Variants in PECAM1 observed in about 807,000 individuals in gnomAD.
PECAM1 encodes the protein platelet endothelial cell adhesion molecule.
Under a neutral mutation model 13.8 loss-of-function variants are expected in PECAM1, and 8 were observed. The observed-to-expected ratio is 0.58, with a 90% CI of 0.34 to 1.05. The LOEUF (loss-of-function observed/expected upper bound fraction) is 1.05. Ranked by LOEUF, PECAM1 falls within the 50% of genes least tolerant of loss-of-function variation. PECAM1 has a pLI of 0.03. For synonymous variants in PECAM1, 136 were observed against 52.6 expected, an observed-to-expected ratio of 2.58 and a Z score of -6.86; for missense variants, 304 against 141.2, an observed-to-expected ratio of 2.15 and a Z score of -5.84.
intron 3 of PECAM1, among the ~76,000 whole-genome samples, chr17:64,377,018 T>C (rs1429705987): frequency 2.6e-5 from 4 of 152,080 alleles, no homozygotes; most frequent in African/African-American, 9.7e-5. Flanking sequence ...ACTCACTAGG[T>C]GCTGGAAATT....
intron 4 of PECAM1, among the ~76,000 whole-genome samples, chr17:64,371,345 T>G (rs974367365): frequency 1.8e-4 from 28 of 152,092 alleles, no homozygotes; most frequent in Admixed American, 6.6e-5. Flanking sequence ...AGAAAATATT[T>G]GCATAATATC....
chr17:64,388,406 A>C (rs1361859532), intron 2 of PECAM1, among the ~76,000 whole-genome samples: 1 of 152,126 alleles, frequency 6.6e-6, no homozygotes, highest in Non-Finnish European at 1.5e-5. Flanking sequence ...ATTGTCATTT[A>C]TCAATCACCT....
At chr17:64,359,350 C>G (rs1380274260) in intron 7 of PECAM1, among the ~76,000 whole-genome samples, 1 of 152,174 alleles carries the variant, frequency 6.6e-6, no homozygotes, top group Non-Finnish European at 1.5e-5. Flanking sequence ...CTGTCCACCC[C>G]CAAGACAATG....
intron 15 of PECAM1, among the ~76,000 whole-genome samples, chr17:64,326,910 T>C (rs2034974062): frequency 6.6e-6 from 1 of 152,244 alleles, no homozygotes; most frequent in Non-Finnish European, 1.5e-5. Flanking sequence ...CTCTAGTTCC[T>C]GCTTCTACAA....
At chr17:64,359,215 CAAG>C (rs1282776663) in intron 7 of PECAM1, among the ~76,000 whole-genome samples, 2 of 152,142 alleles carry the variant, frequency 1.3e-5, no homozygotes, top group Non-Finnish European at 2.9e-5. Context: ...AGTTACTAAA[CAAG>C]AAGGACAAAG....
chr17:64,362,129 G>C (rs1322989081), intron 6 of PECAM1, among the ~76,000 whole-genome samples: 1 of 152,222 alleles, frequency 6.6e-6, no homozygotes, highest in African/African-American at 2.4e-5. Flanking sequence ...CACCCAAAGT[G>C]TGGTCCAGAG....
At chr17:64,352,255 A>G in intron 11 of PECAM1, 135 bp downstream of exon 11, 1 of 407,994 alleles carries the variant, frequency 2.5e-6, no homozygotes, top group Non-Finnish European at 4.5e-6. Context: ...GGCTGATGAG[A>G]TGAAGTACCC....
rs1014208647 is a variant in PECAM1, at chr17:64,321,675, C to T, written c.*2141G>A. The T allele has an allele frequency of 6.3e-5, 40 of 635,720 alleles. No homozygotes were observed. Among genetic ancestry groups the T allele is most frequent in the Non-Finnish European group, 8.5e-5 (40 of 468,528 alleles). 39.4% of individuals were successfully genotyped at this position (635,720 alleles called of 1,614,324 possible). A position where few individuals can be genotyped will look rare whatever the true frequency, so the allele number is the denominator to read the frequency against. ...ACCCAGGAAGCTGAGATGGGAGGAT[C>T]GCTTGAGCCCAGGGGTTCGAGGCTG... On this transcript the variant is annotated 3_prime_UTR_variant, in exon 16 of 16. Transcript: ENST00000563924.
chr17:64,364,007 A>T (rs1598035162), intron 5 of PECAM1, among the ~76,000 whole-genome samples: 3 of 152,102 alleles, frequency 2.0e-5, no homozygotes, highest in South Asian at 4.2e-4. Context: ...GACACAAAAA[A>T]CCCTTCAAAA....
In PECAM1 at chr17:64,321,749, AG is replaced by A; in HGVS notation, c.*2066del. ...GCACTCCAGCCTGGGCAACAGAGCA[AG>A]CCCCTGTCTCAACAAAACAAAACAA... On this transcript the variant is annotated 3_prime_UTR_variant, in exon 16 of 16. Transcript: ENST00000563924. 4 of 1,247,554 alleles carry A rather than the reference AG, an allele frequency of 3.2e-6. No individual in the cohort carries two copies. The highest frequency in any genetic ancestry group is 4.2e-6 in the Non-Finnish European group (4 of 952,688). The allele number at this position is 1,247,554 out of a possible 1,614,324, so 77.3% of individuals were successfully genotyped here.
At chr17:64,338,824 G>A (rs2035351573) in intron 14 of PECAM1, among the ~76,000 whole-genome samples, 1 of 152,194 alleles carries the variant, frequency 6.6e-6, no homozygotes, top group Non-Finnish European at 1.5e-5. Flanking sequence ...CTCCCAAAGT[G>A]CTGGGATTAC....
At chr17:64,334,854 A>G (rs1018781380) in intron 14 of PECAM1, among the ~76,000 whole-genome samples, 2 of 152,000 alleles carry the variant, frequency 1.3e-5, no homozygotes, top group Non-Finnish European at 2.9e-5. Flanking sequence ...CCTTCCCTCT[A>G]ATAAGCACAG....
chr17:64,327,519 C>A (rs1555645923), intron 15 of PECAM1, among the ~76,000 whole-genome samples: 1 of 152,140 alleles, frequency 6.6e-6, no homozygotes, highest in Non-Finnish European at 1.5e-5. Context: ...CTCCTGGCCT[C>A]CAGGAAGGGG....
chr17:64,339,967 T>G (rs1229422603), intron 14 of PECAM1, among the ~76,000 whole-genome samples: 1 of 152,082 alleles, frequency 6.6e-6, no homozygotes, highest in African/African-American at 2.4e-5. Flanking sequence ...CTGGGCAACA[T>G]GGTAAAACCT....
At chr17:64,357,325 A>G (rs1161116858) in intron 7 of PECAM1, among the ~76,000 whole-genome samples, 6 of 152,196 alleles carry the variant, frequency 3.9e-5, no homozygotes, top group African/African-American at 1.4e-4. Flanking sequence ...GCTCCAGTCC[A>G]GGTTACTTTC....
intron 10 of PECAM1, among the ~76,000 whole-genome samples, chr17:64,352,811 C>T (rs953577678): frequency 4.3e-4 from 65 of 152,066 alleles, no homozygotes; most frequent in African/African-American, 1.3e-3. Flanking sequence ...TGCACCACCA[C>T]GCCCGGCTAA....
chr17:64,345,408 C>T (rs1260048382), intron 13 of PECAM1, among the ~76,000 whole-genome samples: 2 of 152,022 alleles, frequency 1.3e-5, no homozygotes, highest in Non-Finnish European at 2.9e-5. Flanking sequence ...GTCAATCACT[C>T]TACAATGAAA....
rs2034808309 is a variant in PECAM1, at chr17:64,321,361, T to C, written c.*2455A>G. 1.1e-6 allele frequency: 1 copy of C among 914,908 alleles called. No homozygotes were observed. The highest frequency in any genetic ancestry group is 1.8e-5 in the African/African-American group (1 of 55,784). 56.7% of individuals were successfully genotyped at this position (914,908 alleles called of 1,614,324 possible). ...GGAAGGCTAAAGCCAGCGTCCTGGA[T>C]TCAGACAGACCTTTTAGCCATTAAA... On this transcript the variant is annotated 3_prime_UTR_variant, in exon 16 of 16. Coordinates refer to ENST00000563924, the MANE Select transcript of PECAM1 (RefSeq NM_000442.5).
intron 7 of PECAM1, among the ~76,000 whole-genome samples, chr17:64,358,444 T>G (rs2035897773): frequency 6.6e-6 from 1 of 152,198 alleles, no homozygotes; most frequent in Non-Finnish European, 1.5e-5. Flanking sequence ...AAGTGCCCCA[T>G]GGGACCTTTT....
Sources: gnomAD v4.1 joint callset for allele counts (sites outside exome capture counted in the v4.1 genomes callset) on GRCh38, gnomAD v4.1.1 for gene constraint, MANE v1.5 for transcripts, NCBI Gene and HGNC (gene_info 2026-07-23, HGNC 2026-07-21) for gene names.